The following BTD variants were observed in gnomAD, a reference collection of about 807,000 sequenced individuals.
BTD encodes the protein biotinidase.
Under a neutral mutation model 17.7 loss-of-function variants are expected in BTD, and 13 were observed. The ratio of observed to expected loss-of-function variants is 0.74; its 90% CI spans 0.48 to 1.17. The LOEUF is 1.17. BTD is among the 50% of genes most tolerant of loss of function. The pLI, the probability that BTD is intolerant of heterozygous loss-of-function variation, is 0.00. For missense variants in BTD, 674 were observed against 650.4 expected (o/e 1.04, Z -0.39); for synonymous variants, 240 against 245.2 (o/e 0.98, Z 0.20).
Position 15,644,377 on chromosome 3 carries a change from G to A in BTD, c.461G>A (p.Gly154Glu). The change falls in exon 4 of 4, where the codon GGG (glycine) becomes GAG (glutamate). Residue 154 changes from glycine (G) to glutamate (E), a missense_variant. Gly to Glu is a moderately conservative substitution (Grantham distance 98, BLOSUM62 -2). Transcript: ENST00000643237. The part of the protein sequence containing the change: ...RGDMFLVANL[G>E]TKEPCHSSDP... ...GATATGTTCTTGGTGGCCAATCTTG[G>A]GACAAAGGAGCCTTGTCATAGCAGT... 6.2e-7 allele frequency: 1 copy of A among 1,614,010 alleles called. No homozygotes were observed. Among genetic ancestry groups the A allele is most frequent in the Non-Finnish European group, 8.5e-7 (1 of 1,179,984 alleles).
At chr3:15,711,388 G>C in exon 4 of BTD, 1 of 793,906 alleles carries the variant, frequency 1.3e-6, no homozygotes. Flanking sequence ...AAAACTATGG[G>C]TTCTTAAGTG....
downstream of BTD, among the ~76,000 whole-genome samples, chr3:15,714,170 C>T (rs1462531646): frequency 1.3e-5 from 2 of 151,910 alleles, no homozygotes. Context: ...AATTTAAACA[C>T]AAAAGAATAC....
intron 3 of BTD, among the ~76,000 whole-genome samples, chr3:15,665,384 G>A (rs561071915): frequency 2.6e-5 from 4 of 152,334 alleles, no homozygotes; most frequent in African/African-American, 9.6e-5. Context: ...TCTGGAGACT[G>A]AAGTAGGGAA....
intron 3 of BTD, among the ~76,000 whole-genome samples, chr3:15,672,452 AT>A (rs2066475097): frequency 6.6e-6 from 1 of 152,094 alleles, no homozygotes; most frequent in African/African-American, 2.4e-5. Flanking sequence ...ACAAAAAGTA[AT>A]TTTTCCCCCT....
chr3:15,627,646 G>T (rs1244709137), intron 1 of BTD, among the ~76,000 whole-genome samples: 2 of 152,168 alleles, frequency 1.3e-5, no homozygotes, highest in Non-Finnish European at 2.9e-5. Flanking sequence ...TTTTTAAATT[G>T]TTTCTTTCAT....
chr3:15,607,084 G>A (rs1322135595), intron 1 of BTD, among the ~76,000 whole-genome samples: 1 of 151,868 alleles, frequency 6.6e-6, no homozygotes, highest in Admixed American at 6.6e-5. Flanking sequence ...AGGATTCCAG[G>A]ATTCTTTTGT....
At chr3:15,636,324 G>C (rs1369810735) in intron 2 of BTD, among the ~76,000 whole-genome samples, 2 of 152,178 alleles carry the variant, frequency 1.3e-5, no homozygotes, top group Admixed American at 1.3e-4. Flanking sequence ...CCTTCGCCCA[G>C]ATAGAACTGA....
At chr3:15,620,276 C>T (rs1388614953) in intron 1 of BTD, among the ~76,000 whole-genome samples, 1 of 152,172 alleles carries the variant, frequency 6.6e-6, no homozygotes, top group Non-Finnish European at 1.5e-5. Context: ...CAATCCTTAC[C>T]TCAACTGCAC....
intron 1 of BTD, among the ~76,000 whole-genome samples, chr3:15,628,907 C>A (rs769520389): frequency 5.3e-5 from 8 of 152,182 alleles, no homozygotes; most frequent in Non-Finnish European, 1.2e-4. Context: ...TTGCCCCCCA[C>A]CTTTTTTTAA....
chr3:15,668,466 A>C (rs1272814828), intron 3 of BTD: 5 of 152,484 alleles, frequency 3.3e-5, no homozygotes, highest in African/African-American at 1.2e-4. Flanking sequence ...ACTTCTTTAT[A>C]TTATAAAGAA....
At chr3:15,616,143 T>G (rs2064782967) in intron 1 of BTD, among the ~76,000 whole-genome samples, 1 of 152,222 alleles carries the variant, frequency 6.6e-6, no homozygotes, top group Non-Finnish European at 1.5e-5. Context: ...ACATAAGTTT[T>G]CTACTCCTTT....
chr3:15,669,164 C>T (rs1175936917), intron 3 of BTD: 2 of 152,150 alleles, frequency 1.3e-5, no homozygotes, highest in Non-Finnish European at 2.9e-5. Flanking sequence ...ACAGAAATGC[C>T]TTTCAAGAGA....
chr3:15,629,274 C>G (rs887804151), intron 1 of BTD, among the ~76,000 whole-genome samples: 2 of 152,124 alleles, frequency 1.3e-5, no homozygotes, highest in African/African-American at 4.8e-5. Context: ...GTGACTCAGA[C>G]CAGGAGCATC....
At chr3:15,721,184 G>A in intron 4 of BTD, 1 of 1,493,824 alleles carries the variant, frequency 6.7e-7, no homozygotes, top group Non-Finnish European at 9.2e-7. Flanking sequence ...TATCAATGTT[G>A]TGAGCTATTT....
At chr3:15,605,663 T>C (rs1034050645) in intron 1 of BTD, among the ~76,000 whole-genome samples, 7 of 151,752 alleles carry the variant, frequency 4.6e-5, no homozygotes, top group Non-Finnish European at 4.4e-5. Flanking sequence ...TTGACAGTTA[T>C]ATATATATAT....
intron 3 of BTD, among the ~76,000 whole-genome samples, chr3:15,696,431 A>C (rs1474094243): frequency 3.3e-5 from 5 of 152,156 alleles, no homozygotes; most frequent in Non-Finnish European, 7.4e-5. Flanking sequence ...AATGCAAATG[A>C]AACATTCATG....
At chr3:15,693,622 G>T (rs1288461071) in intron 3 of BTD, among the ~76,000 whole-genome samples, 1 of 152,110 alleles carries the variant, frequency 6.6e-6, no homozygotes, top group Non-Finnish European at 1.5e-5. Context: ...TGCTGCTGCT[G>T]CTGCTAATGC....
chr3:15,635,828 C>T lies in BTD; in HGVS notation c.249+140C>T, dbSNP rs1263903160. The T allele has an allele frequency of 8.1e-7, 1 of 1,238,698 alleles. No homozygotes were observed. Among genetic ancestry groups the T allele is most frequent in the Non-Finnish European group, 1.2e-6 (1 of 865,616 alleles). The allele number at this position is 1,238,698 out of a possible 1,614,324, so 76.7% of individuals were successfully genotyped here. ...GGTAGTTAACCTGAGTTGAGTTAGT[C>T]AGTTGAATTAGGAGCCTTACCCCTC... On this transcript the variant is annotated intron_variant, in intron 2 of 3. Coordinates refer to ENST00000643237, the MANE Select transcript of BTD (RefSeq NM_001370658.1). The surrounding 1 kb of genome is among the most constrained non-coding windows in gnomAD (Gnocchi z 4.1).
intron 1 of BTD, 129 bp downstream of exon 1, chr3:15,602,023 C>CA (rs2064271432): frequency 6.7e-7 from 1 of 1,500,150 alleles, no homozygotes; most frequent in Admixed American, 2.3e-5. Context: ...AAGCCCGGCG[C>CA]GCGTCGTTTG....
Sources: gnomAD v4.1 joint callset for allele counts (sites outside exome capture counted in the v4.1 genomes callset) on GRCh38, gnomAD v4.1.1 for gene constraint, Gnocchi (gnomAD v3.1) non-coding constraint, MANE v1.5 for transcripts, NCBI Gene and HGNC (gene_info 2026-07-23, HGNC 2026-07-21) for gene names.